The following IL31RA variants were observed in gnomAD, a reference collection of about 807,000 sequenced individuals.
IL31RA encodes interleukin 31 receptor A.
In IL31RA, 66 loss-of-function variants were observed where a neutral mutation model predicts 83.7. The observed-to-expected ratio is 0.79, with a 90% confidence interval of 0.65 to 0.97. The LOEUF is 0.97. Among genes scored for constraint, IL31RA ranks in the 50% least tolerant of loss-of-function variants. The pLI is 0.00. For synonymous variants in IL31RA, 325 were observed against 329.0 expected (o/e 0.99, Z 0.13); for missense variants, 798 against 919.4 (o/e 0.87, Z 1.71).
At chr5:55,878,758 A>G (rs1747012713) in intron 4 of IL31RA, among the ~76,000 whole-genome samples, 1 of 151,972 alleles carries the variant, frequency 6.6e-6, no homozygotes, top group Admixed American at 6.6e-5. Flanking sequence ...GTCTCAAGCC[A>G]TTCTCCCACC....
intron 4 of IL31RA, among the ~76,000 whole-genome samples, chr5:55,881,565 T>C (rs1043446571): frequency 3.3e-5 from 5 of 151,968 alleles, no homozygotes; most frequent in African/African-American, 1.2e-4. Flanking sequence ...GAGGTGAGCA[T>C]GCGCAGTGTA....
At chr5:55,878,292 T>A (rs940443077) in intron 4 of IL31RA, among the ~76,000 whole-genome samples, 10 of 152,212 alleles carry the variant, frequency 6.6e-5, no homozygotes, top group Non-Finnish European at 1.2e-4. Context: ...TTTGAACATA[T>A]TTAAGGTGAT....
Position 55,918,090 on chromosome 5 carries a change from A to T in IL31RA, c.*970A>T, listed in dbSNP as rs116467131. ...TCTAGCTGAGCACAGAGCTTGTGACAGTTAGTGGAGCCTTTCACGAAAGTG... is the reference window on the plus strand; with the variant it reads ...TCTAGCTGAGCACAGAGCTTGTGACTGTTAGTGGAGCCTTTCACGAAAGTG... On this transcript the variant is annotated 3_prime_UTR_variant, in exon 15 of 15. Transcript: ENST00000652347. Among the ~76,000 whole-genome samples the T allele has an allele frequency of 3.2e-3, 488 of 152,340 alleles. 3 individuals are homozygous for T. The highest frequency in any genetic ancestry group is 0.011 in the African/African-American group (472 of 41,576).
intron 4 of IL31RA, 30 bp downstream of exon 4, chr5:55,872,481 CTT>C: frequency 1.4e-6 from 2 of 1,428,872 alleles, no homozygotes; most frequent in Middle Eastern, 2.0e-4. Context: ...CTTATATACT[CTT>C]TATTAAATGT....
chr5:55,867,376 T>C (rs2112356973), intron 2 of IL31RA, among the ~76,000 whole-genome samples: 1 of 152,058 alleles, frequency 6.6e-6, no homozygotes, highest in African/African-American at 2.4e-5. Flanking sequence ...GTGAAGTCTA[T>C]GGGCTGATTC....
chr5:55,876,179 G>A (rs537312428), intron 4 of IL31RA, among the ~76,000 whole-genome samples: 56 of 152,094 alleles, frequency 3.7e-4, no homozygotes, highest in African/African-American at 1.3e-3. Flanking sequence ...AGGCTGAGGC[G>A]GGCAAATCAT....
At chr5:55,877,782 G>C (rs1488709464) in intron 4 of IL31RA, among the ~76,000 whole-genome samples, 1 of 152,116 alleles carries the variant, frequency 6.6e-6, no homozygotes, top group African/African-American at 2.4e-5. Flanking sequence ...TCTGGGGTTT[G>C]GTTGTAATGT....
At chr5:55,893,086 C>T (rs1335617180) in intron 6 of IL31RA, among the ~76,000 whole-genome samples, 1 of 152,188 alleles carries the variant, frequency 6.6e-6, no homozygotes, top group Non-Finnish European at 1.5e-5. Context: ...GAATGTGAAG[C>T]ACTGCCTATT....
chr5:55,861,063 G>A (rs1307941577), intron 2 of IL31RA, among the ~76,000 whole-genome samples: 1 of 152,160 alleles, frequency 6.6e-6, no homozygotes, highest in Non-Finnish European at 1.5e-5. Context: ...ACCTCTTCAA[G>A]TGCTCTATCT....
rs536178587 is a variant in IL31RA, at chr5:55,857,811, T to G, written c.64-1698T>G. Among the ~76,000 whole-genome samples the G allele has an allele frequency of 4.6e-5, 7 of 152,334 alleles. No homozygotes were observed. The Middle Eastern group carries it at 0.01, about 222-fold the overall frequency. On this transcript the variant is annotated intron_variant, in intron 1 of 14. Coordinates refer to ENST00000652347, the MANE Select transcript of IL31RA (RefSeq NM_139017.7). ...TGTTAAAAATCACTGAACTAGAATATGAGCTCTTTGAGGTCAGAGATGTGC... is the reference window on the plus strand; with the variant it reads ...TGTTAAAAATCACTGAACTAGAATAGGAGCTCTTTGAGGTCAGAGATGTGC...
chr5:55,887,638 G>A (rs1162519316), intron 5 of IL31RA, among the ~76,000 whole-genome samples: 1 of 152,170 alleles, frequency 6.6e-6, no homozygotes, highest in African/African-American at 2.4e-5. Flanking sequence ...TGTAATCTCA[G>A]CACTTTGGGA....
At chr5:55,858,068 G>C (rs1201255916) in intron 1 of IL31RA, among the ~76,000 whole-genome samples, 1 of 151,716 alleles carries the variant, frequency 6.6e-6, no homozygotes, top group South Asian at 2.1e-4. Flanking sequence ...ACAAATAATA[G>C]CTGAGTATTT....
intron 12 of IL31RA, 37 bp from the exon 13 acceptor site, chr5:55,913,440 G>C: frequency 7.7e-7 from 1 of 1,293,922 alleles, no homozygotes. Context: ...AGAAGGTGAG[G>C]AACTCACTAC....
At chr5:55,871,488 A>AT (rs1746503625) in intron 3 of IL31RA, among the ~76,000 whole-genome samples, 1 of 152,170 alleles carries the variant, frequency 6.6e-6, no homozygotes, top group Admixed American at 6.5e-5. Flanking sequence ...ATTCCCACTA[A>AT]TATGTGTATT....
intron 2 of IL31RA, among the ~76,000 whole-genome samples, chr5:55,861,297 C>T (rs1490728854): frequency 6.6e-6 from 1 of 152,126 alleles, no homozygotes; most frequent in African/African-American, 2.4e-5. Flanking sequence ...CAGGGGTCCC[C>T]AACCCCCAGG....
chr5:55,859,131 C>T (rs945237792), intron 1 of IL31RA, among the ~76,000 whole-genome samples: 4 of 152,144 alleles, frequency 2.6e-5, no homozygotes, highest in Non-Finnish European at 5.9e-5. Flanking sequence ...TGTGAGATAG[C>T]GTGGTGCTTG....
At chr5:55,848,873 A>C (rs1249009213), upstream of IL31RA, among the ~76,000 whole-genome samples, 1 of 152,216 alleles carries the variant, frequency 6.6e-6, no homozygotes, top group East Asian at 1.9e-4. Flanking sequence ...TTTTCAAAAC[A>C]AACAAGGAAT....
In IL31RA at chr5:55,883,193, TGGGTAA is replaced by T; in HGVS notation, c.606_606+5del. 1 of 1,612,316 alleles carries T rather than the reference TGGGTAA, an allele frequency of 6.2e-7. No individual in the cohort carries two copies. Among genetic ancestry groups the T allele is most frequent in the Non-Finnish European group, 8.5e-7 (1 of 1,178,648 alleles). The stretch of plus-strand genomic sequence containing the variant: ...ATTCAGGACAGTCAACAGTACCAGC[TGGGTAA>T]GTTATGCCATTATAATAATATTCCA... On this transcript the variant is annotated splice_donor_variant and splice_donor_region_variant and coding_sequence_variant and intron_variant, in exon 5 of 15. Transcript: ENST00000652347. LOFTEE classifies it high-confidence loss of function.
chr5:55,853,529 C>A (rs1745179635), intron 1 of IL31RA: 1 of 1,550,824 alleles, frequency 6.4e-7, no homozygotes, highest in Non-Finnish European at 8.7e-7. Context: ...ATCCTTTGAG[C>A]CAGCAGAACA....
Sources: allele counts gnomAD v4.1 joint callset (sites outside exome capture counted in the v4.1 genomes callset), GRCh38; gene constraint gnomAD v4.1.1; transcripts MANE v1.5; gene names NCBI Gene and HGNC (gene_info 2026-07-23, HGNC 2026-07-21).